Variants in PTPRK observed in about 807,000 individuals in gnomAD.
PTPRK encodes receptor-type tyrosine-protein phosphatase kappa.
PTPRK carries 75 observed loss-of-function variants against 178.0 expected under a neutral mutation model. The observed-to-expected ratio is 0.42, with a 90% confidence interval of 0.35 to 0.51. The LOEUF is 0.51. Among genes scored for constraint, PTPRK ranks in the 20% least tolerant of loss-of-function variants. The probability of loss-of-function intolerance (pLI) is 0.02; values close to 1 mark genes in which losing one functional copy is unlikely to be tolerated. For synonymous variants in PTPRK, 637 were observed against 620.6 expected, an observed-to-expected ratio of 1.03 and a Z score of -0.39; for missense variants, 1,441 against 1,797.8, an observed-to-expected ratio of 0.80 and a Z score of 3.59.
At position 128,392,826 on chromosome 6, in the gene PTPRK, T is replaced by C. The variant is rs538399330; in HGVS notation, c.223+4740A>G. ...AACATTTAAGTGTATCCAATATAGA[T>C]AGGTAATATTTATAAAGACTAAGGT... On this transcript the variant is annotated intron_variant, in intron 2 of 29. Coordinates refer to ENST00000368226, the MANE Select transcript of PTPRK (RefSeq NM_002844.4). 3.0e-4 allele frequency among the ~76,000 whole-genome samples: 46 copies of C among 152,250 alleles called. 1 individual carries two copies. Among genetic ancestry groups the C allele is most frequent in the Non-Finnish European group, 2.5e-4 (17 of 68,020 alleles).
intron 1 of PTPRK, among the ~76,000 whole-genome samples, chr6:128,442,135 T>G (rs2128400816): frequency 6.6e-6 from 1 of 152,328 alleles, no homozygotes; most frequent in South Asian, 2.1e-4. Flanking sequence ...AAATTCTGAA[T>G]AGAGTTGTAC....
At chr6:128,493,767 A>T (rs907237454) in intron 1 of PTPRK, among the ~76,000 whole-genome samples, 2 of 152,152 alleles carry the variant, frequency 1.3e-5, no homozygotes, top group Non-Finnish European at 2.9e-5. Flanking sequence ...ACTTGGTGTC[A>T]TCAAGGCACT....
At chr6:128,008,352 T>C (rs1778667884) in intron 14 of PTPRK, among the ~76,000 whole-genome samples, 1 of 150,862 alleles carries the variant, frequency 6.6e-6, no homozygotes, top group Admixed American at 6.6e-5. Context: ...TAAAAGTCCT[T>C]CCAAATTGTA....
At chr6:128,328,349 A>G (rs1231674844) in intron 2 of PTPRK, among the ~76,000 whole-genome samples, 1 of 152,222 alleles carries the variant, frequency 6.6e-6, no homozygotes, top group Non-Finnish European at 1.5e-5. Flanking sequence ...ATACAGTAGA[A>G]GTCTAATAAA....
chr6:128,369,725 T>C (rs1044547017), intron 2 of PTPRK, among the ~76,000 whole-genome samples: 5 of 152,140 alleles, frequency 3.3e-5, no homozygotes. Flanking sequence ...CTTTCTCTCA[T>C]ATTTTAGTAA....
intron 1 of PTPRK, among the ~76,000 whole-genome samples, chr6:128,496,059 A>G (rs1011657930): frequency 6.6e-6 from 1 of 152,204 alleles, no homozygotes; most frequent in African/African-American, 2.4e-5. Context: ...ACATATTGAC[A>G]AGTATATGTT....
chr6:128,417,070 A>G (rs1842937277), intron 1 of PTPRK, among the ~76,000 whole-genome samples: 1 of 150,810 alleles, frequency 6.6e-6, no homozygotes, highest in East Asian at 1.9e-4. Context: ...GTATATATAT[A>G]TACTGTAAAG....
intron 1 of PTPRK, among the ~76,000 whole-genome samples, chr6:128,427,107 C>G (rs1376269748): frequency 1.3e-5 from 2 of 152,198 alleles, no homozygotes; most frequent in Non-Finnish European, 2.9e-5. Context: ...AGGTGTGGAG[C>G]TAGCATTGAT....
chr6:128,474,484 C>A (rs1295350870), intron 1 of PTPRK, among the ~76,000 whole-genome samples: 1 of 152,030 alleles, frequency 6.6e-6, no homozygotes. Flanking sequence ...AAGCTGTGGA[C>A]TGAATAAATG....
chr6:128,026,978 C>T (rs1339841413), intron 13 of PTPRK, among the ~76,000 whole-genome samples: 1 of 152,090 alleles, frequency 6.6e-6, no homozygotes, highest in Non-Finnish European at 1.5e-5. Context: ...AATTTCAGTG[C>T]TATATATGAA....
intron 1 of PTPRK, among the ~76,000 whole-genome samples, chr6:128,513,769 C>A (rs1223704959): frequency 6.6e-6 from 1 of 152,100 alleles, no homozygotes; most frequent in Non-Finnish European, 1.5e-5. Context: ...CACAGATCAT[C>A]ACAAATTTCC....
intron 13 of PTPRK, among the ~76,000 whole-genome samples, chr6:128,033,179 C>T (rs576263435): frequency 1.4e-4 from 21 of 152,252 alleles, no homozygotes; most frequent in African/African-American, 5.1e-4. Context: ...GGAAAAAGCG[C>T]TACTGATTTT....
intron 3 of PTPRK, among the ~76,000 whole-genome samples, chr6:128,296,395 G>A (rs1031560960): frequency 6.6e-6 from 1 of 152,096 alleles, no homozygotes; most frequent in Non-Finnish European, 1.5e-5. Context: ...TACTCCTCGA[G>A]AAGAGCAACT....
chr6:128,198,801 A>G (rs1805384933), intron 6 of PTPRK, among the ~76,000 whole-genome samples: 1 of 152,088 alleles, frequency 6.6e-6, no homozygotes, highest in Non-Finnish European at 1.5e-5. Flanking sequence ...AGATTTACCT[A>G]TATTTTTTGC....
At chr6:128,362,911 C>T (rs993707715) in intron 2 of PTPRK, among the ~76,000 whole-genome samples, 35 of 152,198 alleles carry the variant, frequency 2.3e-4, no homozygotes, top group Admixed American at 2.0e-3. Context: ...GCCAATGACA[C>T]AGTATAAATT....
intron 11 of PTPRK, among the ~76,000 whole-genome samples, chr6:128,069,957 TG>T (rs1782537725): frequency 6.6e-6 from 1 of 152,074 alleles, no homozygotes; most frequent in African/African-American, 2.4e-5. Flanking sequence ...ATCAATGCCT[TG>T]GGTTGAACTT....
intron 7 of PTPRK, among the ~76,000 whole-genome samples, chr6:128,155,602 G>A (rs1481701616): frequency 6.6e-6 from 1 of 150,822 alleles, no homozygotes; most frequent in African/African-American, 2.4e-5. Context: ...TGAAATTAAT[G>A]GCAAAACCTG....
rs1482196311 is a variant in PTPRK at position 127,991,320 on chromosome 6, C to A, written c.2953G>T (p.Val985Phe). ...WQEQSACIVM[V>F]TNLVEVGRVK... ...CGGCCAACCTCAACTAAATTTGTAA[C>A]CATCACAATGCAAGCAGATTGTTCT... The change falls in exon 20 of 30, where the codon GTT becomes TTT. Residue 985 changes from valine to phenylalanine, a missense_variant. Around this residue, in one of 4 missense-constraint regions of PTPRK, gnomAD observed 945 missense variants for 1,080.6 expected, o/e 0.87. Coordinates refer to ENST00000368226, the MANE Select transcript of PTPRK (RefSeq NM_002844.4). 2 of 1,596,462 alleles carry A rather than the reference C, an allele frequency of 1.3e-6. No individual in the cohort carries two copies. Among genetic ancestry groups the A allele is most frequent in the Non-Finnish European group, 1.7e-6 (2 of 1,172,014 alleles).
chr6:128,251,878 C>G (rs1816516003), intron 3 of PTPRK, among the ~76,000 whole-genome samples: 1 of 152,126 alleles, frequency 6.6e-6, no homozygotes, highest in South Asian at 2.1e-4. Flanking sequence ...TTACCAATTG[C>G]CTGCATGATG....
Sources: allele counts gnomAD v4.1 joint callset (sites outside exome capture counted in the v4.1 genomes callset), GRCh38; gene constraint gnomAD v4.1.1; regional missense constraint gnomAD v4.1.1; transcripts MANE v1.5; gene names NCBI Gene and HGNC (gene_info 2026-07-23, HGNC 2026-07-21).